CERS6: variants seen among roughly 807,000 people sequenced by gnomAD.
The protein encoded by CERS6 is LAG1 homolog, ceramide synthase 6.
In CERS6, 26 loss-of-function variants were observed where a neutral mutation model predicts 56.8. The ratio of observed to expected loss-of-function variants is 0.46; its 90% CI spans 0.34 to 0.63. The LOEUF is 0.63. CERS6 is among the 30% of genes least tolerant of loss of function. CERS6 has a pLI of 0.01. For missense variants in CERS6, 415 were observed against 467.5 expected (o/e 0.89, Z 1.04); for synonymous variants, 164 against 173.3 (o/e 0.95, Z 0.42).
intron 3 of CERS6, among the ~76,000 whole-genome samples, chr2:168,585,433 A>C (rs116758029): frequency 0.013 from 1,941 of 152,352 alleles, 49 homozygotes; most frequent in African/African-American, 0.044. Context: ...TGGTCTAATG[A>C]TTAAATGCTC....
chr2:168,690,919 A>T, intron 4 of CERS6, 115 bp from the exon 5 acceptor site: 1 of 862,510 alleles, frequency 1.2e-6, no homozygotes, highest in Non-Finnish European at 1.9e-6. Flanking sequence ...GTCAGTTCTC[A>T]CACAGGTAAA....
chr2:168,589,511 A>G (rs557140245), intron 3 of CERS6, among the ~76,000 whole-genome samples: 1 of 152,346 alleles, frequency 6.6e-6, no homozygotes, highest in South Asian at 2.1e-4. Flanking sequence ...CAATAAAGAA[A>G]TGTTTGTGAA....
intron 1 of CERS6, among the ~76,000 whole-genome samples, chr2:168,521,325 T>C (rs1295847381): frequency 1.3e-5 from 2 of 152,256 alleles, no homozygotes; most frequent in Non-Finnish European, 2.9e-5. Flanking sequence ...TTTGTTCCTA[T>C]TGATTTGACT....
chr2:168,698,255 G>GAAAAAAAAAAAAAAAAAAAAAAAAA (rs869056813), intron 6 of CERS6, among the ~76,000 whole-genome samples: 2 of 17,948 alleles, frequency 1.1e-4, no homozygotes, highest in Admixed American at 8.8e-4. Flanking sequence ...AAAAAAAAAA[G>GAAAAAAAAAAAAAAAAAAAAAAAAA]AAAAAAAAAA....
chr2:168,686,138 G>C (rs1047550319), intron 4 of CERS6, among the ~76,000 whole-genome samples: 3 of 148,436 alleles, frequency 2.0e-5, no homozygotes, highest in African/African-American at 7.5e-5. Flanking sequence ...GGAAGTTGCA[G>C]ATAAGGTCTG....
At chr2:168,733,673 A>G (rs1315714390) in intron 8 of CERS6, among the ~76,000 whole-genome samples, 1 of 152,216 alleles carries the variant, frequency 6.6e-6, no homozygotes, top group Non-Finnish European at 1.5e-5. Context: ...CCAGCACAGG[A>G]GGAAGACTGA....
rs1391886350 is a variant in CERS6 at position 168,567,006 on chromosome 2, T to C, written c.407+5684T>C. On this transcript the variant is annotated intron_variant, in intron 3 of 9. Transcript: ENST00000305747. ...AGGGGGGAATAAGAAACTATTATCT[T>C]CTAGAGAAATGGCATCTTTGTTTTT... Among the ~76,000 whole-genome samples, 5 of 152,198 alleles carry C rather than the reference T, an allele frequency of 3.3e-5. No homozygotes were observed. In the East Asian group the frequency reaches 9.6e-4, roughly 29 times the overall value.
chr2:168,723,846 C>T (rs1322625720), intron 8 of CERS6, among the ~76,000 whole-genome samples: 1 of 152,218 alleles, frequency 6.6e-6, no homozygotes, highest in African/African-American at 2.4e-5. Context: ...TTCTCTGTAA[C>T]AACATTCTTC....
At chr2:168,732,720 T>C (rs768279161) in intron 8 of CERS6, among the ~76,000 whole-genome samples, 5 of 152,194 alleles carry the variant, frequency 3.3e-5, no homozygotes, top group Admixed American at 6.5e-5. Flanking sequence ...CTTGTGGCTT[T>C]TCTGACTCTT....
chr2:168,594,747 C>G (rs1221679359), intron 3 of CERS6, among the ~76,000 whole-genome samples: 2 of 152,222 alleles, frequency 1.3e-5, no homozygotes, highest in Non-Finnish European at 2.9e-5. Context: ...ACTATTCTTT[C>G]TCACGTGAAT....
chr2:168,482,478 G>T (rs1291546835), intron 1 of CERS6, among the ~76,000 whole-genome samples: 3 of 152,254 alleles, frequency 2.0e-5, no homozygotes, highest in African/African-American at 2.4e-5. Context: ...CACAGTACAA[G>T]TTGTGCCTTC....
intron 4 of CERS6, among the ~76,000 whole-genome samples, chr2:168,673,963 G>C (rs1198859413): frequency 1.3e-5 from 2 of 152,174 alleles, no homozygotes; most frequent in Non-Finnish European, 2.9e-5. Flanking sequence ...CTAGACAGCA[G>C]ATGACTAGGA....
At chr2:168,645,956 T>G (rs1685189131) in intron 4 of CERS6, among the ~76,000 whole-genome samples, 1 of 152,240 alleles carries the variant, frequency 6.6e-6, no homozygotes, top group African/African-American at 2.4e-5. Context: ...GCTATTTTGG[T>G]TGATTCCATG....
At chr2:168,586,866 G>T (rs998224327) in intron 3 of CERS6, among the ~76,000 whole-genome samples, 1 of 152,062 alleles carries the variant, frequency 6.6e-6, no homozygotes, top group Non-Finnish European at 1.5e-5. Context: ...ATATACTAGG[G>T]GTCCTTAATA....
At chr2:168,624,713 A>C (rs1684550584) in intron 3 of CERS6, among the ~76,000 whole-genome samples, 2 of 152,208 alleles carry the variant, frequency 1.3e-5, no homozygotes, top group Non-Finnish European at 2.9e-5. Flanking sequence ...ACTTTGTGGA[A>C]GGGAATGTGT....
At chr2:168,460,659 A>G (rs954871887) in intron 1 of CERS6, among the ~76,000 whole-genome samples, 1 of 152,224 alleles carries the variant, frequency 6.6e-6, no homozygotes, top group African/African-American at 2.4e-5. Flanking sequence ...AGAGAAAGCA[A>G]TTGTTCCGTT....
chr2:168,569,086 G>A lies in CERS6; in HGVS notation c.407+7764G>A, dbSNP rs73969250. 4.8e-3 allele frequency among the ~76,000 whole-genome samples: 730 copies of A among 152,304 alleles called. 11 individuals are homozygous for A. Among genetic ancestry groups the A allele is most frequent in the African/African-American group, 0.016 (683 of 41,574 alleles). On this transcript the variant is annotated intron_variant, in intron 3 of 9. Transcript: ENST00000305747. ...GTCATAACAAAATACCGCAGACTGT[G>A]TGGCTTAACAGAAATGTATTTTCTC...
intron 1 of CERS6, among the ~76,000 whole-genome samples, chr2:168,480,011 A>G (rs1002092876): frequency 6.6e-6 from 1 of 152,230 alleles, no homozygotes; most frequent in Admixed American, 6.5e-5. Flanking sequence ...TGGGTAAGCT[A>G]AAGAACCACT....
chr2:168,725,056 T>C (rs990741467), intron 8 of CERS6, among the ~76,000 whole-genome samples: 5 of 152,196 alleles, frequency 3.3e-5, no homozygotes, highest in African/African-American at 1.2e-4. Flanking sequence ...GGAAGGCAGC[T>C]AAGGCCCAGC....
Sources: gnomAD v4.1 joint callset for allele counts (sites outside exome capture counted in the v4.1 genomes callset) on GRCh38, gnomAD v4.1.1 for gene constraint, MANE v1.5 for transcripts, NCBI Gene and HGNC (gene_info 2026-07-23, HGNC 2026-07-21) for gene names.